Variants in PRSS3 observed in about 807,000 individuals in gnomAD.
The protein encoded by PRSS3 is serine protease 3, also known as trypsin-3.
A neutral mutation model predicts 20.8 loss-of-function variants in PRSS3; 14 were observed. The ratio of observed to expected loss-of-function variants is 0.67; its 90% confidence interval spans 0.44 to 1.05. The LOEUF (loss-of-function observed/expected upper bound fraction) is 1.05. PRSS3 is among the 50% of genes least tolerant of loss of function. The pLI, the probability that PRSS3 is intolerant of heterozygous loss-of-function variation, is 0.00. For missense variants in PRSS3, 237 were observed against 306.4 expected, an observed-to-expected ratio of 0.77 and a Z score of 1.69; for synonymous variants, 91 against 117.6, an observed-to-expected ratio of 0.77 and a Z score of 1.46.
At chr9:33,792,039 G>A (rs1292305925), upstream of PRSS3, among the ~76,000 whole-genome samples, 1 of 152,112 alleles carries the variant, frequency 6.6e-6, no homozygotes, top group African/African-American at 2.4e-5. Flanking sequence ...CATATTACAA[G>A]TCAGACTTTT....
chr9:33,786,140 G>T, intron 1 of PRSS3: 1 of 397,570 alleles, frequency 2.5e-6, no homozygotes, highest in South Asian at 3.3e-5. Context: ...GAGCGGGAAA[G>T]AACTACGCTG....
upstream of PRSS3, among the ~76,000 whole-genome samples, chr9:33,791,891 T>C (rs548806775): frequency 3.9e-5 from 6 of 152,200 alleles, no homozygotes; most frequent in South Asian, 8.3e-4. Context: ...ATGTCTTCCA[T>C]GGCTTCAAGG....
chr9:33,786,790 A>G, intron 1 of PRSS3: 1 of 765,040 alleles, frequency 1.3e-6, no homozygotes, highest in South Asian at 1.3e-5. Flanking sequence ...GCAACAGGAG[A>G]CCTGAAGACA....
At chr9:33,761,922 C>T (rs1478204585) in intron 1 of PRSS3, 1 of 152,034 alleles carries the variant, frequency 6.6e-6, no homozygotes, top group Non-Finnish European at 1.5e-5. Flanking sequence ...ATGGGGCCAC[C>T]ATCATACATG....
chr9:33,752,025 T>C, intron 1 of PRSS3, among the ~76,000 whole-genome samples: 1 of 152,190 alleles, frequency 6.6e-6, no homozygotes, highest in East Asian at 1.9e-4. Flanking sequence ...AGGTGAGGCA[T>C]GACCTCTGGC....
chr9:33,761,102 T>C (rs1192788876), intron 1 of PRSS3, among the ~76,000 whole-genome samples: 1 of 152,242 alleles, frequency 6.6e-6, no homozygotes, highest in Non-Finnish European at 1.5e-5. Flanking sequence ...AGTATTGTCA[T>C]GTGGCACTTA....
At chr9:33,779,739 G>A (rs151064233) in intron 1 of PRSS3, among the ~76,000 whole-genome samples, 1,834 of 151,768 alleles carry the variant, frequency 0.012, 16 homozygotes, top group Non-Finnish European at 0.019. Flanking sequence ...CATGGTGGCA[G>A]GTACCTATAA....
rs532065969 is a variant in PRSS3, at chr9:33,786,750, C to A, written c.-52-7996C>A. On this transcript the variant is annotated intron_variant, in intron 1 of 5. Transcript: ENST00000342836. ...ATTGACAAGTTTCCCATCAGCCGCCCAAACCTAACATTCTCAACTCTGACT... is the reference window on the plus strand; with the variant it reads ...ATTGACAAGTTTCCCATCAGCCGCCAAAACCTAACATTCTCAACTCTGACT... The A allele has an allele frequency of 6.1e-5, 47 of 766,040 alleles. No individual in the cohort carries two copies. The Middle Eastern group carries it at 1.1e-3, about 18-fold the overall frequency. 47.5% of individuals were successfully genotyped at this position (766,040 alleles called of 1,614,324 possible).
chr9:33,756,734 C>T (rs1822968535), intron 1 of PRSS3, among the ~76,000 whole-genome samples: 1 of 152,278 alleles, frequency 6.6e-6, no homozygotes, highest in African/African-American at 2.4e-5. Flanking sequence ...GTATCCTGTT[C>T]TCATTTCATG....
chr9:33,788,097 A>G (rs1302187870), intron 1 of PRSS3, among the ~76,000 whole-genome samples: 1 of 152,178 alleles, frequency 6.6e-6, no homozygotes, highest in Admixed American at 6.5e-5. Context: ...AGGACATTCT[A>G]TTTCTAGAAG....
Position 33,799,063 on chromosome 9 carries a change from G to A in PRSS3, c.627G>A (p.Gln209=), listed in dbSNP as rs1343614254. 5 of 1,614,100 alleles carry A rather than the reference G, an allele frequency of 3.1e-6. No individual in the cohort carries two copies. The highest frequency in any genetic ancestry group is 4.2e-6 in the Non-Finnish European group (5 of 1,180,016). ...DSGGPVVCNG[Q]LQGVVSWGHG... is the part of the protein sequence containing the mutation. ...GTGGCCCTGTGGTCTGCAACGGACA[G>A]CTCCAAGGAGTTGTCTCCTGGGGCC... Residue 209 remains glutamine, a synonymous_variant, in exon 5 of 5, where the codon CAG becomes CAA. Coordinates refer to ENST00000379405, the MANE Select transcript of PRSS3 (RefSeq NM_002771.4).
intron 1 of PRSS3, chr9:33,786,395 T>C (rs1438231186): frequency 1.2e-5 from 8 of 660,278 alleles, no homozygotes; most frequent in African/African-American, 1.8e-5. Context: ...AACAGAGTAA[T>C]TGTCGGCACA....
chr9:33,767,117 G>A (rs1283716802), intron 1 of PRSS3, among the ~76,000 whole-genome samples: 1 of 152,114 alleles, frequency 6.6e-6, no homozygotes, highest in African/African-American at 2.4e-5. Context: ...ATACACCTGA[G>A]AGTTATTTTT....
intron 1 of PRSS3, among the ~76,000 whole-genome samples, chr9:33,779,954 T>C (rs1824112442): frequency 6.7e-6 from 1 of 148,348 alleles, no homozygotes; most frequent in African/African-American, 2.5e-5. Flanking sequence ...TTGGCATTCC[T>C]GAAATAGGAG....
intron 1 of PRSS3, chr9:33,786,055 C>A (rs1025344050): frequency 7.4e-6 from 2 of 271,148 alleles, no homozygotes; most frequent in African/African-American, 4.5e-5. Flanking sequence ...TGAAGAGCCA[C>A]ACAGTTCCAC....
At chr9:33,760,468 C>T (rs535867752) in intron 1 of PRSS3, among the ~76,000 whole-genome samples, 23 of 152,072 alleles carry the variant, frequency 1.5e-4, no homozygotes, top group South Asian at 8.3e-4. Flanking sequence ...ATAAAGAGGC[C>T]GGGTGCGGTG....
At chr9:33,796,829 G>T (rs375097863) in intron 2 of PRSS3, 27 bp downstream of exon 2, 1 of 1,587,492 alleles carries the variant, frequency 6.3e-7, no homozygotes, top group African/African-American at 1.4e-5. Flanking sequence ...TGACTGCAAA[G>T]CTCCCAGCCA....
intron 4 of PRSS3, 188 bp from the exon 5 acceptor site, chr9:33,798,840 T>G: frequency 9.6e-7 from 1 of 1,039,232 alleles, no homozygotes; most frequent in Non-Finnish European, 1.4e-6. Flanking sequence ...AGTGCCCCCA[T>G]TGGGAAATGA....
intron 1 of PRSS3, among the ~76,000 whole-genome samples, chr9:33,765,045 G>T (rs905263677): frequency 6.6e-6 from 1 of 152,206 alleles, no homozygotes; most frequent in African/African-American, 2.4e-5. Flanking sequence ...TTGCTGGTGG[G>T]ATTGTGAAAG....
Sources: gnomAD v4.1 joint callset for allele counts (sites outside exome capture counted in the v4.1 genomes callset) on GRCh38, gnomAD v4.1.1 for gene constraint, MANE v1.5 for transcripts, NCBI Gene and HGNC (gene_info 2026-07-23, HGNC 2026-07-21) for gene names.